NBEAL2: variants seen among roughly 807,000 people sequenced by gnomAD.
NBEAL2 encodes the protein neurobeachin like 2.
In NBEAL2, 160 loss-of-function variants were observed where a neutral mutation model predicts 299.8. That is an observed-to-expected ratio of 0.53 (90% CI 0.47 to 0.61). NBEAL2 has a LOEUF of 0.61. Ranked by LOEUF, NBEAL2 falls within the 20% of genes least tolerant of loss-of-function variation. The probability of loss-of-function intolerance (pLI) is 0.00; values close to 1 mark genes in which losing one functional copy is unlikely to be tolerated. For missense variants in NBEAL2, 3,112 were observed against 3,649.0 expected (o/e 0.85, Z 3.79); for synonymous variants, 1,493 against 1,542.3 (o/e 0.97, Z 0.75).
Position 47,000,964 on chromosome 3 carries a change from C to T in NBEAL2, c.4306-37C>T. 2 of 1,561,476 alleles carry T rather than the reference C, an allele frequency of 1.3e-6. No individual in the cohort carries two copies. The highest frequency in any genetic ancestry group is 1.2e-5 in the South Asian group (1 of 84,798). The stretch of plus-strand genomic sequence containing the variant: ...AGCCTGATTCCCTCCCTTAGCCGCC[C>T]ACAACCCACGCCCACACCACCCACC... On this transcript the variant is annotated intron_variant, in intron 27 of 53. Transcript: ENST00000450053. This position sits in a 1 kb window ranked among gnomAD's most constrained non-coding sequence, Gnocchi z 4.5.
chr3:47,001,943 A>C lies in NBEAL2; in HGVS notation c.4806A>C (p.Arg1602Ser), dbSNP rs202227293. 6.2e-7 allele frequency: 1 copy of C among 1,605,020 alleles called. No individual in the cohort carries two copies. The highest frequency in any genetic ancestry group is 8.5e-7 in the Non-Finnish European group (1 of 1,173,946). The change falls in exon 31 of 54, where the codon AGA becomes AGC. Residue 1602 changes from arginine to serine, a missense_variant. Around this residue, in one of 3 missense-constraint regions of NBEAL2, gnomAD observed 2,243 missense variants for 2,538.1 expected, o/e 0.88. Transcript: ENST00000450053. This position sits in a 1 kb window ranked among gnomAD's most constrained non-coding sequence, Gnocchi z 6.1. The stretch of plus-strand genomic sequence containing the variant: ...AGCTGCATGCCCAGGCCTACGTGAG[A>C]TTGCACATGCTGCTACAGACTGCAG... ...DPQLHAQAYVRLHMLLQTAVP... is the reference protein window; with the variant it reads ...DPQLHAQAYVSLHMLLQTAVP...
In NBEAL2 at chr3:46,998,178, C is replaced by T. The variant is rs926911119; in HGVS notation, c.3070C>T (p.Leu1024Phe). 11 of 1,608,864 alleles carry T rather than the reference C, an allele frequency of 6.8e-6. No homozygotes were observed. The highest frequency in any genetic ancestry group is 3.3e-4 in the Middle Eastern group (2 of 6,080). ...CCTGTACCTACTCTACCAGCATTTG[C>T]TCTTCAACTTTCACCTCTGGACCCT... ...PLLYLLYQHL[L>F]FNFHLWTLSD... The change falls in exon 21 of 54, where the codon CTC (leucine) becomes TTC (phenylalanine). Residue 1024 changes from leucine (L) to phenylalanine (F), a missense_variant. Coordinates refer to ENST00000450053, the MANE Select transcript of NBEAL2 (RefSeq NM_015175.3).
rs1357978665 is a variant in NBEAL2 at position 46,991,252 on chromosome 3, T to C, written c.590T>C (p.Ile197Thr). The C allele has an allele frequency of 6.2e-7, 1 of 1,608,172 alleles. No homozygotes were observed. Among genetic ancestry groups the C allele is most frequent in the Admixed American group, 1.7e-5 (1 of 59,356 alleles). ...SLQNADHLPPILLLRLIHLFC... is the reference protein window; with the variant it reads ...SLQNADHLPPTLLLRLIHLFC... ...CAGAATGCAGACCACTTGCCTCCCA[T>C]ACTGCTGTTACGTCTCATCCACCTC... Residue 197 changes from isoleucine (I) to threonine (T), a missense_variant, in exon 7 of 54, where the codon ATA becomes ACA. This residue lies in a region of NBEAL2 where 2,243 missense variants were observed against 2,538.1 expected (regional missense o/e 0.88). Coordinates refer to ENST00000450053, the MANE Select transcript of NBEAL2 (RefSeq NM_015175.3). This position sits in a 1 kb window ranked among gnomAD's most constrained non-coding sequence, Gnocchi z 6.2.
In NBEAL2 at chr3:46,999,435, C is replaced by A. The variant is rs1462290953; in HGVS notation, c.3664C>A (p.Gln1222Lys). ...CTTGCCTGAGGGGACTGTTTCCCCC[C>A]AGCTCTGCCAGGGCCTCTACAAGCT... is the stretch of plus-strand genomic sequence containing the variant. ...ACLPEGTVSP[Q>K]LCQGLYKLFL... is the part of the protein sequence containing the mutation. Residue 1222 changes from glutamine to lysine, a missense_variant, in exon 25 of 54, where the codon CAG becomes AAG. Around this residue, in one of 3 missense-constraint regions of NBEAL2, gnomAD observed 2,243 missense variants for 2,538.1 expected, o/e 0.88. Transcript: ENST00000450053. 2 of 1,585,224 alleles carry A rather than the reference C, an allele frequency of 1.3e-6. No individual in the cohort carries two copies. Among genetic ancestry groups the A allele is most frequent in the Non-Finnish European group, 1.7e-6 (2 of 1,166,250 alleles).
rs150552768 is a variant in NBEAL2 at position 47,006,023 on chromosome 3, C to T, written c.6879C>T (p.Ala2293=). 257 of 1,613,736 alleles carry T rather than the reference C, an allele frequency of 1.6e-4. No homozygotes were observed. Among genetic ancestry groups the T allele is most frequent in the Admixed American group, 7.7e-4 (46 of 60,032 alleles). ...GCTACAAGCAGCGGGGGCCAGCCGC[C>T]GAGGAGGCCCTCAATGTCTTCTATT... ...IFGYKQRGPA[A]EEALNVFYYC... The change falls in exon 43 of 54, where the codon GCC becomes GCT. Residue 2293 remains alanine (A), a synonymous_variant. Coordinates refer to ENST00000450053, the MANE Select transcript of NBEAL2 (RefSeq NM_015175.3).
Position 47,006,342 on chromosome 3 carries a change from C to T in NBEAL2, c.7027C>T (p.Pro2343Ser). Residue 2343 changes from proline (P) to serine (S), a missense_variant, in exon 45 of 54, where the codon CCA (proline) becomes TCA (serine). By Grantham distance (74) the Pro-to-Ser change is moderately conservative (BLOSUM62 -1). Coordinates refer to ENST00000450053, the MANE Select transcript of NBEAL2 (RefSeq NM_015175.3). ...AGCCACTTACCCACAGGAGCCACAT[C>T]CAACTCGGCTCTCAGCTGAGGAAGC... is the stretch of plus-strand genomic sequence containing the variant. Reference protein sequence around the residue: ...TPCQLLKEPHPTRLSAEEAAH... With the variant: ...TPCQLLKEPHSTRLSAEEAAH... 1.9e-6 allele frequency: 3 copies of T among 1,598,218 alleles called. No individual in the cohort carries two copies. The highest frequency in any genetic ancestry group is 2.6e-6 in the Non-Finnish European group (3 of 1,172,628).
At chr3:47,002,607 G>A in intron 32 of NBEAL2, 38 bp from the exon 33 acceptor site, 1 of 1,607,264 alleles carries the variant, frequency 6.2e-7, no homozygotes, top group Non-Finnish European at 8.5e-7. Flanking sequence ...GGTAGGGCAG[G>A]CAGCAGCCAG....
Position 47,009,410 on chromosome 3 carries a change from G to A in NBEAL2, c.*90G>A. On this transcript the variant is annotated 3_prime_UTR_variant, in exon 54 of 54. Transcript: ENST00000450053. The stretch of plus-strand genomic sequence containing the variant: ...AAGTCGGCGGGAACACCCCGGGGTG[G>A]GCAGCCCAGGGGGGTGAGCGGGGCC... The A allele has an allele frequency of 8.2e-7, 1 of 1,215,770 alleles. No homozygotes were observed. Among genetic ancestry groups the A allele is most frequent in the Non-Finnish European group, 1.1e-6 (1 of 869,620 alleles). 75.3% of individuals were successfully genotyped at this position (1,215,770 alleles called of 1,614,324 possible).
In NBEAL2 at chr3:46,999,907, G is replaced by C; in HGVS notation, c.3808G>C (p.Gly1270Arg). 8 of 1,606,040 alleles carry C rather than the reference G, an allele frequency of 5.0e-6. No individual in the cohort carries two copies. The highest frequency in any genetic ancestry group is 6.8e-6 in the Non-Finnish European group (8 of 1,174,384). Residue 1270 changes from glycine to arginine, a missense_variant, in exon 27 of 54, where the codon GGA becomes CGA. Transcript: ENST00000450053. ...ICRQLFHLIY[G>R]QPDVVRLLAR... ...CCTGCAGCTTTTCCACCTCATCTAC[G>C]GACAGCCAGATGTAGTGCGGCTTCT...
intron 6 of NBEAL2, among the ~76,000 whole-genome samples, chr3:46,990,340 C>A (rs760212151): frequency 6.6e-6 from 1 of 152,160 alleles, no homozygotes; most frequent in African/African-American, 2.4e-5. Context: ...GATTTCATTT[C>A]TCCTCCCATC....
chr3:47,001,617 T>C lies in NBEAL2; in HGVS notation c.4645-72T>C, dbSNP rs2036998339. On this transcript the variant is annotated intron_variant, in intron 29 of 53. Coordinates refer to ENST00000450053, the MANE Select transcript of NBEAL2 (RefSeq NM_015175.3). The surrounding 1 kb of genome is among the most constrained non-coding windows in gnomAD (Gnocchi z 6.1). ...CCTACCTGGCCCCCAGCGCAAACTT[T>C]ACTTTGCTCCCTTTCCATGGACTCC... is the stretch of plus-strand genomic sequence containing the variant. 1 of 1,591,934 alleles carries C rather than the reference T, an allele frequency of 6.3e-7. No homozygotes were observed. Among genetic ancestry groups the C allele is most frequent in the African/African-American group, 1.3e-5 (1 of 74,656 alleles).
rs1357766676 is a variant in NBEAL2 at position 47,009,438 on chromosome 3, C to T, written c.*118C>T. ...AGCCCAGGGGGGTGAGCGGGGCCCA[C>T]CCTGCCCAGCTCAGGGATTGGCGGG... On this transcript the variant is annotated 3_prime_UTR_variant, in exon 54 of 54. Coordinates refer to ENST00000450053, the MANE Select transcript of NBEAL2 (RefSeq NM_015175.3). 4.5e-6 allele frequency: 4 copies of T among 898,334 alleles called. 1 individual carries two copies. In the South Asian group the frequency reaches 6.2e-5, roughly 14 times the overall value. The allele number at this position is 898,334 out of a possible 1,614,324, so 55.6% of individuals were successfully genotyped here.
intron 21 of NBEAL2, 100 bp from the exon 22 acceptor site, chr3:46,998,363 C>T (rs2036669255): frequency 1.3e-6 from 2 of 1,509,984 alleles, no homozygotes; most frequent in Middle Eastern, 1.7e-4. Context: ...GGGACTATGA[C>T]CCTGCCCTGG....
In NBEAL2 at chr3:47,008,357, C is replaced by A. The variant is rs2037622882; in HGVS notation, c.7794C>A (p.Phe2598Leu). The change falls in exon 51 of 54, where the codon TTC becomes TTA. Residue 2598 changes from phenylalanine (F) to leucine (L), a missense_variant. Phe to Leu is a conservative substitution (Grantham distance 22). This residue lies in a region of NBEAL2 where 348 missense variants were observed against 381.4 expected (regional missense o/e 0.91). Coordinates refer to ENST00000450053, the MANE Select transcript of NBEAL2 (RefSeq NM_015175.3). ...VAALRPLGAT[F>L]PGPIFHLALG... is the part of the protein sequence containing the mutation. Reference sequence around the variant, plus strand: ...CACTACGGCCTCTGGGTGCCACATTCCCTGGACCTATTTTCCACCTGGCAT... The same window carrying A: ...CACTACGGCCTCTGGGTGCCACATTACCTGGACCTATTTTCCACCTGGCAT... The A allele has an allele frequency of 1.2e-6, 2 of 1,613,666 alleles. No individual in the cohort carries two copies. Among genetic ancestry groups the A allele is most frequent in the Non-Finnish European group, 1.7e-6 (2 of 1,179,740 alleles).
At chr3:46,996,667 G>A in intron 16 of NBEAL2, 75 bp downstream of exon 16, 1 of 1,538,076 alleles carries the variant, frequency 6.5e-7, no homozygotes, top group Non-Finnish European at 8.8e-7. Context: ...GCATCTCTGG[G>A]GGTCTCTCCT....
At chr3:46,983,351 C>T (rs2035481115) in intron 1 of NBEAL2, among the ~76,000 whole-genome samples, 1 of 151,100 alleles carries the variant, frequency 6.6e-6, no homozygotes, top group African/African-American at 2.4e-5. Context: ...ACTCTGTCAC[C>T]CAGGCTGGAG....
intron 9 of NBEAL2, 126 bp from the exon 10 acceptor site, chr3:46,992,349 T>C: frequency 1.1e-6 from 1 of 875,564 alleles, no homozygotes; most frequent in East Asian, 2.6e-5. Flanking sequence ...CTCAGCACCC[T>C]ACTCTTCCCT....
intron 32 of NBEAL2, 31 bp from the exon 33 acceptor site, chr3:47,002,614 C>T (rs772642421): frequency 6.2e-7 from 1 of 1,607,716 alleles, no homozygotes; most frequent in Non-Finnish European, 8.5e-7. Flanking sequence ...CAGGCAGCAG[C>T]CAGGGGACTG....
intron 1 of NBEAL2, among the ~76,000 whole-genome samples, chr3:46,980,385 G>C (rs2035239298): frequency 6.6e-6 from 1 of 152,140 alleles, no homozygotes; most frequent in Admixed American, 6.5e-5. Flanking sequence ...GTGGGCCAAG[G>C]TAGGGAGGTG....
Sources: gnomAD v4.1 joint callset for allele counts (sites outside exome capture counted in the v4.1 genomes callset) on GRCh38, gnomAD v4.1.1 for gene constraint, gnomAD v4.1.1 regional missense constraint, Gnocchi (gnomAD v3.1) non-coding constraint, MANE v1.5 for transcripts, NCBI Gene and HGNC (gene_info 2026-07-23, HGNC 2026-07-21) for gene names.